The following NFXL1 variants were observed in gnomAD, a reference collection of about 807,000 sequenced individuals.
The protein encoded by NFXL1 is NF-X1-type zinc finger protein NFXL1.
NFXL1 carries 66 observed loss-of-function variants against 123.3 expected under a neutral mutation model. The ratio of observed to expected loss-of-function variants is 0.54; its 90% CI spans 0.44 to 0.66. NFXL1 has a LOEUF of 0.66. Ranked by LOEUF, NFXL1 falls within the 30% of genes least tolerant of loss-of-function variation. NFXL1 has a pLI of 0.00. For missense variants in NFXL1, 944 were observed against 1,125.6 expected (o/e 0.84, Z 2.31); for synonymous variants, 346 against 360.8 (o/e 0.96, Z 0.46).
At chr4:47,865,862 C>A (rs1002101772) in intron 18 of NFXL1, among the ~76,000 whole-genome samples, 17 of 151,684 alleles carry the variant, frequency 1.1e-4, no homozygotes, top group Admixed American at 1.1e-3. Context: ...AAAAAAACAC[C>A]AAAATTAGCC....
intron 15 of NFXL1, among the ~76,000 whole-genome samples, chr4:47,881,686 T>C (rs906767534): frequency 2.0e-5 from 3 of 152,178 alleles, no homozygotes; most frequent in Admixed American, 1.3e-4. Context: ...ATGCAATGTA[T>C]TATTATTCAA....
intron 15 of NFXL1, among the ~76,000 whole-genome samples, chr4:47,881,967 A>G (rs1736140000): frequency 6.6e-6 from 1 of 152,212 alleles, no homozygotes; most frequent in Non-Finnish European, 1.5e-5. Context: ...TAGTAAATAC[A>G]TGACATTACA....
chr4:47,881,097 C>CT (rs1736089141), intron 15 of NFXL1, among the ~76,000 whole-genome samples: 2 of 151,556 alleles, frequency 1.3e-5, no homozygotes, highest in Non-Finnish European at 2.9e-5. Context: ...CAATAGTTAC[C>CT]TATAACAATG....
Position 47,897,961 on chromosome 4 carries a change from T to C in NFXL1, c.1204+6A>G. The stretch of plus-strand genomic sequence containing the variant: ...CTATATAAATATAAAAAAAAACAAG[T>C]CTTACTTGATTTCTGACATGGACAG... On this transcript the variant is annotated splice_donor_region_variant and intron_variant, in intron 9 of 22. Transcript: ENST00000507489. 6.5e-7 allele frequency: 1 copy of C among 1,534,734 alleles called. No individual in the cohort carries two copies.
chr4:47,903,782 T>A (rs1261033911), intron 4 of NFXL1, among the ~76,000 whole-genome samples: 1 of 152,170 alleles, frequency 6.6e-6, no homozygotes, highest in Non-Finnish European at 1.5e-5. Context: ...AACATAAATA[T>A]GTACATATAT....
intron 19 of NFXL1, among the ~76,000 whole-genome samples, chr4:47,857,192 T>C (rs1321827968): frequency 6.6e-6 from 1 of 152,184 alleles, no homozygotes; most frequent in African/African-American, 2.4e-5. Flanking sequence ...TATTTGAGGG[T>C]ATTTATCATC....
intron 20 of NFXL1, 108 bp from the exon 21 acceptor site, chr4:47,852,050 A>C: frequency 1.6e-6 from 1 of 625,834 alleles, no homozygotes; most frequent in South Asian, 2.0e-5. Flanking sequence ...GTATTATTTG[A>C]TGTCTTAATA....
chr4:47,912,748 G>A (rs1251787265), intron 2 of NFXL1, among the ~76,000 whole-genome samples: 4 of 139,642 alleles, frequency 2.9e-5, no homozygotes, highest in Non-Finnish European at 4.6e-5. Context: ...TTGAGCCACC[G>A]CGCCCGGACA....
In NFXL1 at chr4:47,899,509, A is replaced by G. The variant is rs1472704780; in HGVS notation, c.687T>C (p.Pro229=). ...CRFEYKRSET[P]SRYYCYCGKV... is the part of the protein sequence containing the mutation. ...TTCCACAATAGCAATAGTACCTACT[A>G]GGTGTTTCAGATCGTTTGTATTCAA... The change falls in exon 6 of 23, where the codon CCT becomes CCC. Residue 229 remains proline, a synonymous_variant. Coordinates refer to ENST00000507489, the MANE Select transcript of NFXL1 (RefSeq NM_001278624.2). The G allele has an allele frequency of 6.2e-7, 1 of 1,612,952 alleles. No individual in the cohort carries two copies. Among genetic ancestry groups the G allele is most frequent in the Non-Finnish European group, 8.5e-7 (1 of 1,178,990 alleles).
intron 18 of NFXL1, among the ~76,000 whole-genome samples, chr4:47,870,969 C>G (rs1254865149): frequency 6.6e-6 from 1 of 152,134 alleles, no homozygotes; most frequent in Non-Finnish European, 1.5e-5. Flanking sequence ...ATAAAGAATC[C>G]ACTGGTTCAT....
chr4:47,866,291 A>G (rs1247047036), intron 18 of NFXL1, among the ~76,000 whole-genome samples: 1 of 152,168 alleles, frequency 6.6e-6, no homozygotes, highest in Non-Finnish European at 1.5e-5. Context: ...TGCAAGACCA[A>G]AGAAAACAAA....
chr4:47,859,804 C>T (rs1384781337), intron 19 of NFXL1, among the ~76,000 whole-genome samples: 2 of 118,696 alleles, frequency 1.7e-5, no homozygotes, highest in Admixed American at 1.2e-4. Context: ...ATTGCGCCAC[C>T]GTACTCCAAC....
Position 47,910,985 on chromosome 4 carries a change from G to A in NFXL1, c.245C>T (p.Ser82Phe). 3 of 1,587,530 alleles carry A rather than the reference G, an allele frequency of 1.9e-6. No individual in the cohort carries two copies. Among genetic ancestry groups the A allele is most frequent in the Non-Finnish European group, 1.7e-6 (2 of 1,167,384 alleles). The change falls in exon 3 of 23, where the codon TCT becomes TTT. Residue 82 changes from serine (S) to phenylalanine (F), a missense_variant. Transcript: ENST00000507489. ...CTTGATTTCTTCAAATTTTTTCTGA[G>A]ACATTAGCTCTGTTTAAAAGAAAAA... is the stretch of plus-strand genomic sequence containing the variant. ...LQTTAASELM[S>F]QKKFEEIKKA...
chr4:47,899,556 G>A lies in NFXL1; in HGVS notation c.648-8C>T, dbSNP rs768598538. 1 of 1,584,544 alleles carries A rather than the reference G, an allele frequency of 6.3e-7. No individual in the cohort carries two copies. The highest frequency in any genetic ancestry group is 8.7e-7 in the Non-Finnish European group (1 of 1,155,640). ...TCAAACCTACATTTTGGACTACAAA[G>A]AAGAAGAAAATTATTAAAGCTAACT... On this transcript the variant is annotated splice_polypyrimidine_tract_variant and splice_region_variant and intron_variant, in intron 5 of 22. Transcript: ENST00000507489.
In NFXL1 at chr4:47,901,113, T is replaced by G. The variant is rs546624475; in HGVS notation, c.648-1565A>C. On this transcript the variant is annotated intron_variant, in intron 5 of 22. Transcript: ENST00000507489. Reference sequence around the variant, plus strand: ...AACGCATGAGTTTTATTTTAAATAATGGGATGCCAACAATGAAATGTAATT... The same window carrying G: ...AACGCATGAGTTTTATTTTAAATAAGGGGATGCCAACAATGAAATGTAATT... Among the ~76,000 whole-genome samples the G allele has an allele frequency of 3.3e-5, 5 of 152,296 alleles. No homozygotes were observed. The South Asian group carries it at 1.0e-3, about 32-fold the overall frequency.
chr4:47,851,839 A>T lies in NFXL1; in HGVS notation c.2508+17T>A. 6.6e-7 allele frequency: 1 copy of T among 1,516,098 alleles called. No individual in the cohort carries two copies. The allele number at this position is 1,516,098 out of a possible 1,614,324, so 93.9% of individuals were successfully genotyped here. A position where few individuals can be genotyped will look rare whatever the true frequency, so the allele number is the denominator to read the frequency against. ...AAAGGCCACTAGTCTTTAAAATGAT[A>T]TTTAACGAGACATTACCTCAGATGC... is the stretch of plus-strand genomic sequence containing the variant. On this transcript the variant is annotated intron_variant, in intron 21 of 22. Coordinates refer to ENST00000507489, the MANE Select transcript of NFXL1 (RefSeq NM_001278624.2).
At chr4:47,890,464 C>T in intron 12 of NFXL1, 149 bp downstream of exon 12, 1 of 568,444 alleles carries the variant, frequency 1.8e-6, no homozygotes, top group East Asian at 2.9e-5. Flanking sequence ...CACTGGCAAA[C>T]TGCCTTACCT....
At chr4:47,892,603 G>C (rs964878957) in intron 11 of NFXL1, among the ~76,000 whole-genome samples, 3 of 152,156 alleles carry the variant, frequency 2.0e-5, no homozygotes, top group African/African-American at 7.2e-5. Flanking sequence ...GCATCAAGTA[G>C]AGTACTTAGA....
intron 18 of NFXL1, among the ~76,000 whole-genome samples, chr4:47,866,671 C>G (rs1303832685): frequency 6.6e-6 from 1 of 152,212 alleles, no homozygotes; most frequent in African/African-American, 2.4e-5. Context: ...TTTGAAAGGC[C>G]TCCTTGTAAG....
Sources: allele counts gnomAD v4.1 joint callset (sites outside exome capture counted in the v4.1 genomes callset), GRCh38; gene constraint gnomAD v4.1.1; transcripts MANE v1.5; gene names NCBI Gene and HGNC (gene_info 2026-07-23, HGNC 2026-07-21).